FXN: variants seen among roughly 807,000 people sequenced by gnomAD.
The protein encoded by FXN is frataxin, also known as frataxin, mitochondrial.
FXN carries 14 observed loss-of-function variants against 22.4 expected under a neutral mutation model. The observed-to-expected ratio is 0.62, with a 90% confidence interval of 0.41 to 0.98. The LOEUF is 0.98. FXN is among the 50% of genes least tolerant of loss of function. The pLI, the probability that FXN is intolerant of heterozygous loss-of-function variation, is 0.00. For missense variants in FXN, 267 were observed against 268.4 expected (o/e 0.99, Z 0.04); for synonymous variants, 120 against 114.1 (o/e 1.05, Z -0.33).
At chr9:69,035,997 C>CGCCGCGG in intron 1 of FXN, 50 bp downstream of exon 1, 1 of 1,307,484 alleles carries the variant, frequency 7.6e-7, no homozygotes, top group Non-Finnish European at 9.7e-7. Context: ...GCGGGCCGCA[C>CGCCGCGG]GCCGCACGCC....
chr9:69,064,834 G>A lies in FXN; in HGVS notation c.385-104G>A, dbSNP rs1832139837. The A allele has an allele frequency of 4.1e-6, 3 of 735,814 alleles. No homozygotes were observed. In the East Asian group the frequency reaches 7.7e-5, roughly 19 times the overall value. 45.6% of individuals were successfully genotyped at this position (735,814 alleles called of 1,614,324 possible). ...TCTTTATGGTGTATTTTGTGTACTT[G>A]TAGAAATGGAAAGTGTTGAGATAAA... On this transcript the variant is annotated intron_variant, in intron 3 of 4. Coordinates refer to ENST00000484259, the MANE Select transcript of FXN (RefSeq NM_000144.5).
Position 69,077,196 on chromosome 9 carries a change from G to A in FXN, c.*4434G>A. ...CAAAGTGCTGGGATTACAGGCGTGA[G>A]CCACTGCACCCAGCCAGAAATGCCT... On this transcript the variant is annotated 3_prime_UTR_variant, in exon 5 of 5. Transcript: ENST00000484259. 2 of 979,868 alleles carry A rather than the reference G, an allele frequency of 2.0e-6. No homozygotes were observed. The highest frequency in any genetic ancestry group is 2.4e-6 in the Non-Finnish European group (2 of 824,874). 60.7% of individuals were successfully genotyped at this position (979,868 alleles called of 1,614,324 possible). A position where few individuals can be genotyped will look rare whatever the true frequency, so the allele number is the denominator to read the frequency against.
chr9:69,056,337 A>G (rs1195389621), intron 3 of FXN, among the ~76,000 whole-genome samples: 1 of 152,264 alleles, frequency 6.6e-6, no homozygotes, highest in Non-Finnish European at 1.5e-5. Context: ...AAGCATACAT[A>G]TTCAACAGAT....
Position 69,074,290 on chromosome 9 carries a change from C to T in FXN, c.*1528C>T. ...CCTCATTTTAATTTTTACTGACCTG[C>T]ACTTTATACAAAGCAACAAGCCTCC... On this transcript the variant is annotated 3_prime_UTR_variant, in exon 5 of 5. Transcript: ENST00000484259. 1.0e-6 allele frequency: 1 copy of T among 985,046 alleles called. No individual in the cohort carries two copies. The highest frequency in any genetic ancestry group is 1.2e-6 in the Non-Finnish European group (1 of 829,612). The allele number at this position is 985,046 out of a possible 1,614,324, so 61.0% of individuals were successfully genotyped here. A position where few individuals can be genotyped will look rare whatever the true frequency, so the allele number is the denominator to read the frequency against.
rs60353555 is a variant in FXN, at chr9:69,077,564, A to C, written c.*4802A>C. 5.6e-3 allele frequency: 5,518 copies of C among 985,434 alleles called. 231 individuals are homozygous for C. In the African/African-American group the frequency reaches 0.088, roughly 16 times the overall value. The allele number at this position is 985,434 out of a possible 1,614,324, so 61.0% of individuals were successfully genotyped here. Reference sequence around the variant, plus strand: ...TCCAGGTAGAAGTACTAGTGCAAGAAGGGCCTCTGCTGTCCACTTGTGTTT... The same window carrying C: ...TCCAGGTAGAAGTACTAGTGCAAGACGGGCCTCTGCTGTCCACTTGTGTTT... On this transcript the variant is annotated 3_prime_UTR_variant, in exon 5 of 5. Coordinates refer to ENST00000484259, the MANE Select transcript of FXN (RefSeq NM_000144.5).
In FXN at chr9:69,077,024, C is replaced by A; in HGVS notation, c.*4262C>A. 1.7e-6 allele frequency: 1 copy of A among 574,206 alleles called. No homozygotes were observed. 35.6% of individuals were successfully genotyped at this position (574,206 alleles called of 1,614,324 possible). On this transcript the variant is annotated 3_prime_UTR_variant, in exon 5 of 5. Coordinates refer to ENST00000484259, the MANE Select transcript of FXN (RefSeq NM_000144.5). ...CCGCCTCCTGGGTTCAAGCAATTCT[C>A]TGCCTCAGCCTCCCGAGTAGCTGGG...
At position 69,075,620 on chromosome 9, in the gene FXN, G is replaced by A. The variant is rs935778358; in HGVS notation, c.*2858G>A. On this transcript the variant is annotated 3_prime_UTR_variant, in exon 5 of 5. Coordinates refer to ENST00000484259, the MANE Select transcript of FXN (RefSeq NM_000144.5). The stretch of plus-strand genomic sequence containing the variant: ...GGAGCATCGCCTCATTTATGGTGTG[G>A]TCCAGTCATCCATGTGAAGGATGAG... The A allele has an allele frequency of 4.1e-6, 4 of 985,242 alleles. No homozygotes were observed. The highest frequency in any genetic ancestry group is 4.8e-6 in the Non-Finnish European group (4 of 829,888). The allele number at this position is 985,242 out of a possible 1,614,324, so 61.0% of individuals were successfully genotyped here. A position where few individuals can be genotyped will look rare whatever the true frequency, so the allele number is the denominator to read the frequency against.
chr9:69,076,867 T>C lies in FXN; in HGVS notation c.*4105T>C. ...GCAAAGTTTTGAAATTTCATGTAAA[T>C]TTATGCTGTTCAAAACGACGAGTTC... On this transcript the variant is annotated 3_prime_UTR_variant, in exon 5 of 5. Coordinates refer to ENST00000484259, the MANE Select transcript of FXN (RefSeq NM_000144.5). 2 of 985,450 alleles carry C rather than the reference T, an allele frequency of 2.0e-6. No individual in the cohort carries two copies. The highest frequency in any genetic ancestry group is 2.4e-6 in the Non-Finnish European group (2 of 829,964). The allele number at this position is 985,450 out of a possible 1,614,324, so 61.0% of individuals were successfully genotyped here.
chr9:69,072,086 A>G (rs1056990919), intron 4 of FXN, among the ~76,000 whole-genome samples: 6 of 152,226 alleles, frequency 3.9e-5, no homozygotes, highest in Non-Finnish European at 5.9e-5. Context: ...ATACCAAGGA[A>G]CAACAGCACT....
At position 69,074,743 on chromosome 9, in the gene FXN, GAA is replaced by G. The variant is rs11432103; in HGVS notation, c.*1989_*1990del. ...AGCAAGATCCTATCTCTTAAAAAAA[GAA>G]AAAAAAACCTATTAATAATAAAACA... On this transcript the variant is annotated 3_prime_UTR_variant, in exon 5 of 5. Coordinates refer to ENST00000484259, the MANE Select transcript of FXN (RefSeq NM_000144.5). 44 of 841,660 alleles carry G rather than the reference GAA, an allele frequency of 5.2e-5. No individual in the cohort carries two copies. The highest frequency in any genetic ancestry group is 1.3e-4 in the Admixed American group (2 of 15,940). The allele number at this position is 841,660 out of a possible 1,614,324, so 52.1% of individuals were successfully genotyped here. A position where few individuals can be genotyped will look rare whatever the true frequency, so the allele number is the denominator to read the frequency against.
intron 3 of FXN, among the ~76,000 whole-genome samples, chr9:69,054,893 G>T (rs1831926881): frequency 6.6e-6 from 1 of 152,338 alleles, no homozygotes; most frequent in Admixed American, 6.5e-5. Flanking sequence ...TCATGGAATT[G>T]TTGAGGACAA....
At position 69,074,956 on chromosome 9, in the gene FXN, G is replaced by A; in HGVS notation, c.*2194G>A. 2.0e-6 allele frequency: 2 copies of A among 985,408 alleles called. No homozygotes were observed. The highest frequency in any genetic ancestry group is 2.4e-6 in the Non-Finnish European group (2 of 829,934). The allele number at this position is 985,408 out of a possible 1,614,324, so 61.0% of individuals were successfully genotyped here. On this transcript the variant is annotated 3_prime_UTR_variant, in exon 5 of 5. Coordinates refer to ENST00000484259, the MANE Select transcript of FXN (RefSeq NM_000144.5). ...AGTGCACCCCACTTACTTAGAACTC[G>A]GTGACATGATGTACTCCTTTATCTG...
At position 69,076,023 on chromosome 9, in the gene FXN, T is replaced by C; in HGVS notation, c.*3261T>C. 1.0e-6 allele frequency: 1 copy of C among 984,262 alleles called. No individual in the cohort carries two copies. The highest frequency in any genetic ancestry group is 1.2e-6 in the Non-Finnish European group (1 of 828,886). 61.0% of individuals were successfully genotyped at this position (984,262 alleles called of 1,614,324 possible). A position where few individuals can be genotyped will look rare whatever the true frequency, so the allele number is the denominator to read the frequency against. On this transcript the variant is annotated 3_prime_UTR_variant, in exon 5 of 5. Coordinates refer to ENST00000484259, the MANE Select transcript of FXN (RefSeq NM_000144.5). The stretch of plus-strand genomic sequence containing the variant: ...GTTCATCAGAAAGCTTTTTCTATTA[T>C]TTTTACCTTCTTGAGTGGGTAGAAC...
intron 2 of FXN, among the ~76,000 whole-genome samples, chr9:69,051,419 C>CT (rs1322717134): frequency 0.017 from 2,444 of 143,542 alleles, 59 homozygotes; most frequent in African/African-American, 0.055. Flanking sequence ...TCTTTCTTTT[C>CT]TTTTTTTTTT....
In FXN at chr9:69,072,623, G is replaced by C. The variant is rs143396368; in HGVS notation, c.494G>C (p.Arg165Pro). Residue 165 changes from arginine to proline, a missense_variant, in exon 5 of 5, where the codon CGT (arginine) becomes CCT (proline). Physicochemically the swap from Arg to Pro is moderately radical, Grantham distance 103. Transcript: ENST00000484259. ...WLSSPSSGPK[R>P]YDWTGKNWVY... The stretch of plus-strand genomic sequence containing the variant: ...GTTTTGTCTTCCAGTGGACCTAAGC[G>C]TTATGACTGGACTGGGAAAAACTGG... 5 of 1,614,110 alleles carry C rather than the reference G, an allele frequency of 3.1e-6. No homozygotes were observed. Among genetic ancestry groups the C allele is most frequent in the Non-Finnish European group, 4.2e-6 (5 of 1,180,010 alleles).
chr9:69,038,029 C>A (rs529121579), intron 1 of FXN, among the ~76,000 whole-genome samples: 45 of 152,336 alleles, frequency 3.0e-4, no homozygotes, highest in African/African-American at 1.1e-3. Flanking sequence ...CTGTTAAGGG[C>A]TATTGACTGA....
chr9:69,053,295 C>G, intron 3 of FXN, 35 bp downstream of exon 3: 1 of 1,608,840 alleles, frequency 6.2e-7, no homozygotes. Context: ...TCTGTTTCCC[C>G]CTCTAAGAAT....
chr9:69,073,751 T>G lies in FXN; in HGVS notation c.*989T>G. 1.0e-6 allele frequency: 1 copy of G among 985,424 alleles called. No homozygotes were observed. The highest frequency in any genetic ancestry group is 1.2e-6 in the Non-Finnish European group (1 of 829,934). 61.0% of individuals were successfully genotyped at this position (985,424 alleles called of 1,614,324 possible). ...GTTGATTCCCAGCATTCAGTGGTCCTGTCAAGCAACCTAACAGGCTAGTTC... is the reference window on the plus strand; with the variant it reads ...GTTGATTCCCAGCATTCAGTGGTCCGGTCAAGCAACCTAACAGGCTAGTTC... On this transcript the variant is annotated 3_prime_UTR_variant, in exon 5 of 5. Transcript: ENST00000484259.
intron 3 of FXN, among the ~76,000 whole-genome samples, chr9:69,061,502 T>C (rs1489075706): frequency 1.3e-5 from 2 of 152,058 alleles, no homozygotes; most frequent in Non-Finnish European, 2.9e-5. Flanking sequence ...AATGATTGTG[T>C]GTTGATTCTT....
Sources: gnomAD v4.1 joint callset for allele counts (sites outside exome capture counted in the v4.1 genomes callset) on GRCh38, gnomAD v4.1.1 for gene constraint, MANE v1.5 for transcripts, NCBI Gene and HGNC (gene_info 2026-07-23, HGNC 2026-07-21) for gene names.